The following UBE2U variants were observed in gnomAD, a reference collection of about 807,000 sequenced individuals.
The protein encoded by UBE2U is ubiquitin-conjugating enzyme E2 U.
In UBE2U, 39 loss-of-function variants were observed where a neutral mutation model predicts 41.2. The observed-to-expected ratio is 0.95, with a 90% CI of 0.73 to 1.24. UBE2U has a LOEUF of 1.24. Ranked by LOEUF, UBE2U falls within the 50% of genes most tolerant of loss-of-function variation. UBE2U has a pLI of 0.00. For synonymous variants in UBE2U, 107 were observed against 117.8 expected, an observed-to-expected ratio of 0.91 and a Z score of 0.60; for missense variants, 336 against 363.1, an observed-to-expected ratio of 0.93 and a Z score of 0.61.
At chr1:64,237,251 A>G (rs1175536267) in intron 7 of UBE2U, among the ~76,000 whole-genome samples, 3 of 149,446 alleles carry the variant, frequency 2.0e-5, no homozygotes, top group Non-Finnish European at 4.5e-5. Flanking sequence ...CTAGCAGTGG[A>G]AAAAAAAAAT....
intron 6 of UBE2U, among the ~76,000 whole-genome samples, chr1:64,231,129 T>C (rs1644556343): frequency 6.6e-6 from 1 of 151,692 alleles, no homozygotes; most frequent in South Asian, 2.1e-4. Flanking sequence ...TATTTTTAAT[T>C]ATTATGGAGG....
chr1:64,247,880 AAAAT>A (rs1245945485), intron 8 of UBE2U, among the ~76,000 whole-genome samples: 1 of 137,124 alleles, frequency 7.3e-6, no homozygotes, highest in South Asian at 2.4e-4. Flanking sequence ...AAAAAAAAAA[AAAAT>A]TAGCTTGACA....
Position 64,241,678 on chromosome 1 carries a change from C to T in UBE2U, c.622C>T (p.Gln208Ter), listed in dbSNP as rs112337460. 815 of 1,606,982 alleles carry T rather than the reference C, an allele frequency of 5.1e-4. 5 individuals carry two copies. The African/African-American group carries it at 9.9e-3, about 19-fold the overall frequency. The change falls in exon 8 of 10, where the codon CAG becomes TAG. Residue 208 changes from glutamine to a stop codon, truncating the protein, a stop_gained. Transcript: ENST00000371077. LOFTEE classifies it high-confidence loss of function. ...GCTCAAAGTTCCAAATTTCATTGGA[C>T]AGTATTACAAATGGAAGAAAATGGA... ...PLLKVPNFIGQYYKWKKMDLQ... is the reference protein window; with the variant it reads ...PLLKVPNFIG
chr1:64,216,520 G>A (rs1283918233), intron 5 of UBE2U, among the ~76,000 whole-genome samples: 1 of 152,226 alleles, frequency 6.6e-6, no homozygotes, highest in Non-Finnish European at 1.5e-5. Flanking sequence ...GACAAACACT[G>A]AAGTTACACG....
chr1:64,205,339 G>A (rs1425867949), intron 1 of UBE2U, among the ~76,000 whole-genome samples: 2 of 152,030 alleles, frequency 1.3e-5, no homozygotes, highest in African/African-American at 4.8e-5. Flanking sequence ...TATTAAATTG[G>A]TTATTGATTT....
chr1:64,263,755 G>A (rs1463160991), intron 9 of UBE2U, among the ~76,000 whole-genome samples: 1 of 152,224 alleles, frequency 6.6e-6, no homozygotes, highest in East Asian at 1.9e-4. Flanking sequence ...TGGGAGGGAA[G>A]TTGAGGACAT....
At chr1:64,230,326 C>G (rs1426228713) in intron 6 of UBE2U, among the ~76,000 whole-genome samples, 1 of 152,154 alleles carries the variant, frequency 6.6e-6, no homozygotes, top group African/African-American at 2.4e-5. Flanking sequence ...TTGCCTTATT[C>G]GAGAACTACT....
At position 64,211,506 on chromosome 1, in the gene UBE2U, C is replaced by T. The variant is rs559833337; in HGVS notation, c.339+667C>T. On this transcript the variant is annotated intron_variant, in intron 4 of 9. Coordinates refer to ENST00000371077, the MANE Select transcript of UBE2U (RefSeq NM_001366232.2). ...CCAGGCTAGAGTGCAACGGCACAAT[C>T]CTGGCTCACTGCAGCCTCAACCTCC... Among the ~76,000 whole-genome samples, 10 of 152,300 alleles carry T rather than the reference C, an allele frequency of 6.6e-5. No homozygotes were observed. In the South Asian group the frequency reaches 2.1e-3, roughly 32 times the overall value.
chr1:64,204,170 G>A, intron 1 of UBE2U, 54 bp downstream of exon 1: 1 of 1,557,800 alleles, frequency 6.4e-7, no homozygotes, highest in Non-Finnish European at 8.8e-7. Flanking sequence ...ATTTTTAAGA[G>A]GCAGTTTAAC....
intron 9 of UBE2U, among the ~76,000 whole-genome samples, chr1:64,264,823 G>A (rs1361916382): frequency 6.6e-6 from 1 of 152,138 alleles, no homozygotes; most frequent in African/African-American, 2.4e-5. Flanking sequence ...GGTGGTGAAT[G>A]CCTATAGTCC....
chr1:64,248,510 G>A (rs996590523), intron 8 of UBE2U, among the ~76,000 whole-genome samples: 2 of 151,296 alleles, frequency 1.3e-5, no homozygotes, highest in African/African-American at 2.4e-5. Context: ...AATTTGTGGT[G>A]CCCCAATCTA....
chr1:64,241,624 G>A (rs761928622), intron 7 of UBE2U, 28 bp from the exon 8 acceptor site: 17 of 1,498,516 alleles, frequency 1.1e-5, no homozygotes, highest in Admixed American at 1.9e-5. Context: ...TGTATGTATA[G>A]CTTCTTTTTT....
rs550063729 is a variant in UBE2U at position 64,228,643 on chromosome 1, A to T, written c.507-3918A>T. ...TAGATGTTTTCATATAGAATTACAT[A>T]ACCAAATATGGTTTTCTTTTTCTTT... On this transcript the variant is annotated intron_variant, in intron 6 of 9. Transcript: ENST00000371077. Among the ~76,000 whole-genome samples the T allele has an allele frequency of 4.6e-5, 7 of 151,634 alleles. No individual in the cohort carries two copies. The East Asian group carries it at 9.7e-4, about 21-fold the overall frequency.
intron 7 of UBE2U, among the ~76,000 whole-genome samples, chr1:64,239,157 A>AAGGAGAAGGAGAAGAAGAAGAAG: frequency 1.1e-4 from 4 of 37,058 alleles, no homozygotes; most frequent in African/African-American, 3.4e-4. Context: ...GAAGAAGAAG[A>AAGGAGAAGGAGAAGAAGAAGAAG]AAGAAGAAGA....
chr1:64,239,709 T>A (rs916894359), intron 7 of UBE2U, among the ~76,000 whole-genome samples: 2 of 152,192 alleles, frequency 1.3e-5, no homozygotes, highest in African/African-American at 2.4e-5. Flanking sequence ...CATCATTTTT[T>A]ATGGCTGCAT....
At chr1:64,256,655 C>T (rs1645096673) in intron 8 of UBE2U, among the ~76,000 whole-genome samples, 2 of 152,108 alleles carry the variant, frequency 1.3e-5, no homozygotes, top group Admixed American at 6.5e-5. Flanking sequence ...AAACCCAAAA[C>T]TATAAAAACC....
rs372996834 is a variant in UBE2U at position 64,205,701 on chromosome 1, A to G, written c.129A>G (p.Leu43=). 12 of 1,613,066 alleles carry G rather than the reference A, an allele frequency of 7.4e-6. No homozygotes were observed. Among genetic ancestry groups the G allele is most frequent in the South Asian group, 2.2e-5 (2 of 90,932 alleles). The stretch of plus-strand genomic sequence containing the variant: ...AATGGGAAGTTGAAATTGAAGGTCT[A>G]CAGAATTCAGTTTGGCAGGGTTTGT... ...MMEWEVEIEG[L]QNSVWQGLVF... is the part of the protein sequence containing the mutation. The change falls in exon 2 of 10, where the codon CTA becomes CTG. Residue 43 remains leucine (L), a synonymous_variant. Transcript: ENST00000371077.
chr1:64,238,771 G>C (rs928665075), intron 7 of UBE2U, among the ~76,000 whole-genome samples: 11 of 152,018 alleles, frequency 7.2e-5, no homozygotes, highest in Admixed American at 3.3e-4. Context: ...GCTGGGCACA[G>C]TGGTTCACAT....
At chr1:64,245,981 C>A (rs1219358117) in intron 8 of UBE2U, among the ~76,000 whole-genome samples, 1 of 152,070 alleles carries the variant, frequency 6.6e-6, no homozygotes, top group African/African-American at 2.4e-5. Flanking sequence ...TTCTTTCTTG[C>A]CTACTAATAT....
Sources: allele counts gnomAD v4.1 joint callset (sites outside exome capture counted in the v4.1 genomes callset), GRCh38; gene constraint gnomAD v4.1.1; transcripts MANE v1.5; gene names NCBI Gene and HGNC (gene_info 2026-07-23, HGNC 2026-07-21).